CACHD1: variants seen among roughly 807,000 people sequenced by gnomAD.
CACHD1 encodes VWFA and cache domain-containing protein 1.
Under a neutral mutation model 138.7 loss-of-function variants are expected in CACHD1, and 71 were observed. The observed-to-expected ratio is 0.51, with a 90% CI of 0.42 to 0.62. CACHD1 has a LOEUF of 0.62. Ranked by LOEUF, CACHD1 falls within the 20% of genes least tolerant of loss-of-function variation. The pLI, the probability that CACHD1 is intolerant of heterozygous loss-of-function variation, is 0.00. For missense variants in CACHD1, 1,389 were observed against 1,625.3 expected (o/e 0.85, Z 2.50); for synonymous variants, 578 against 591.5 (o/e 0.98, Z 0.33).
intron 3 of CACHD1, among the ~76,000 whole-genome samples, chr1:64,592,615 T>C (rs1647115418): frequency 6.6e-6 from 1 of 151,494 alleles, no homozygotes; most frequent in South Asian, 2.1e-4. Flanking sequence ...GATGGGGAGG[T>C]GGAAGACCCA....
chr1:64,647,650 G>C, intron 8 of CACHD1, 151 bp from the exon 9 acceptor site: 1 of 624,124 alleles, frequency 1.6e-6, no homozygotes. Context: ...GCAGGAACTG[G>C]TATTTGTGTC....
intron 1 of CACHD1, among the ~76,000 whole-genome samples, chr1:64,477,351 C>T (rs1181650658): frequency 1.3e-5 from 2 of 152,150 alleles, no homozygotes; most frequent in Admixed American, 6.5e-5. Flanking sequence ...ATATGGTTCA[C>T]GGACCTTTGG....
chr1:64,593,987 T>C (rs1322746622), intron 3 of CACHD1, among the ~76,000 whole-genome samples: 2 of 152,040 alleles, frequency 1.3e-5, no homozygotes, highest in Non-Finnish European at 1.5e-5. Context: ...TTAGAAAGTT[T>C]ATGGCAGGGT....
chr1:64,669,677 A>G (rs1649752360), intron 16 of CACHD1, among the ~76,000 whole-genome samples: 1 of 146,216 alleles, frequency 6.8e-6, no homozygotes, highest in Admixed American at 6.7e-5. Context: ...ACTTAGAAAT[A>G]TAGGTTTGGT....
chr1:64,536,610 G>A (rs1303385361), intron 1 of CACHD1, among the ~76,000 whole-genome samples: 3 of 152,132 alleles, frequency 2.0e-5, no homozygotes, highest in South Asian at 2.1e-4. Context: ...AGAAGTATTC[G>A]GTCCTGCCTC....
chr1:64,501,065 G>A (rs1462147860), intron 1 of CACHD1, among the ~76,000 whole-genome samples: 1 of 150,732 alleles, frequency 6.6e-6, no homozygotes, highest in Non-Finnish European at 1.5e-5. Flanking sequence ...AAAAAAAGGA[G>A]AGACAGAGAG....
At chr1:64,584,096 G>A (rs1403865502) in intron 3 of CACHD1, among the ~76,000 whole-genome samples, 1 of 152,076 alleles carries the variant, frequency 6.6e-6, no homozygotes, top group African/African-American at 2.4e-5. Flanking sequence ...CCATTTTCAG[G>A]GCAGGAAGAA....
chr1:64,471,044 T>A (rs1646140998), intron 1 of CACHD1, 102 bp downstream of exon 1: 2 of 1,175,204 alleles, frequency 1.7e-6, no homozygotes, highest in Non-Finnish European at 2.3e-6. Flanking sequence ...CATCGGCTCC[T>A]TGCATACATA....
At chr1:64,542,696 C>T (rs998016329) in intron 1 of CACHD1, among the ~76,000 whole-genome samples, 4 of 152,164 alleles carry the variant, frequency 2.6e-5, no homozygotes, top group Admixed American at 6.5e-5. Flanking sequence ...CTAGGTGTTA[C>T]GTAAGTTTTC....
intron 1 of CACHD1, among the ~76,000 whole-genome samples, chr1:64,539,489 A>T (rs890752124): frequency 1.3e-5 from 2 of 152,184 alleles, no homozygotes; most frequent in African/African-American, 4.8e-5. Flanking sequence ...CTGTTACCAC[A>T]TGTGACTTTG....
chr1:64,561,989 G>A (rs1259087904), intron 2 of CACHD1, among the ~76,000 whole-genome samples: 1 of 151,950 alleles, frequency 6.6e-6, no homozygotes, highest in African/African-American at 2.4e-5. Flanking sequence ...GGACTCTGTA[G>A]TTTCTGATGA....
chr1:64,536,157 A>C (rs1303351380), intron 1 of CACHD1, among the ~76,000 whole-genome samples: 3 of 152,198 alleles, frequency 2.0e-5, no homozygotes, highest in African/African-American at 7.2e-5. Context: ...ATTTTTCATC[A>C]TTCCATAAAG....
Position 64,671,673 on chromosome 1 carries a change from G to A in CACHD1, c.2497G>A (p.Gly833Ser), listed in dbSNP as rs1478599468. Residue 833 changes from glycine (G) to serine (S), a missense_variant, in exon 17 of 27, where the codon GGC becomes AGC. This residue lies in a region of CACHD1 where 1,000 missense variants were observed against 1,114.7 expected (regional missense o/e 0.90). Coordinates refer to ENST00000651257, the MANE Select transcript of CACHD1 (RefSeq NM_020925.4). ...DLLPVCNQDG[G>S]NKIRCFIMED... ...ATTACCTGTCTGTAACCAAGATGGT[G>A]GCAACAAAATAAGGTAAGTGCTTTG... 1.9e-6 allele frequency: 3 copies of A among 1,613,998 alleles called. No homozygotes were observed.
intron 1 of CACHD1, among the ~76,000 whole-genome samples, chr1:64,542,044 GAAT>G (rs1267162130): frequency 1.3e-5 from 2 of 152,066 alleles, no homozygotes; most frequent in Non-Finnish European, 2.9e-5. Context: ...TAGTAAAATA[GAAT>G]AATAGTAGAT....
Position 64,676,879 on chromosome 1 carries a change from C to T in CACHD1, c.2976-16C>T. 6.2e-7 allele frequency: 1 copy of T among 1,606,228 alleles called. No homozygotes were observed. On this transcript the variant is annotated splice_polypyrimidine_tract_variant and intron_variant, in intron 21 of 26. Coordinates refer to ENST00000651257, the MANE Select transcript of CACHD1 (RefSeq NM_020925.4). ...GGCGGTGGTCGTCTTAACCTCCAGA[C>T]TTACCTCCTGCACAGAAACCCCAGC...
intron 3 of CACHD1, among the ~76,000 whole-genome samples, chr1:64,597,527 T>G (rs12750534): frequency 0.028 from 3,389 of 123,104 alleles, 87 homozygotes; most frequent in African/African-American, 0.055. Context: ...TTTTGTTGTT[T>G]TTTTTTTTTT....
At chr1:64,612,611 C>G (rs1647575230) in intron 4 of CACHD1, among the ~76,000 whole-genome samples, 1 of 152,090 alleles carries the variant, frequency 6.6e-6, no homozygotes, top group South Asian at 2.1e-4. Flanking sequence ...AATTCTCTCC[C>G]TCTTTTCAAA....
intron 1 of CACHD1, among the ~76,000 whole-genome samples, chr1:64,540,269 T>A (rs1386856658): frequency 1.3e-5 from 2 of 152,158 alleles, no homozygotes; most frequent in African/African-American, 2.4e-5. Context: ...ACCTCCTTTT[T>A]TTTTTCCTTT....
At chr1:64,634,684 G>A (rs1007669209) in intron 7 of CACHD1, among the ~76,000 whole-genome samples, 30 of 151,936 alleles carry the variant, frequency 2.0e-4, no homozygotes, top group Non-Finnish European at 2.9e-4. Context: ...CGCGACCAGC[G>A]TAGAGGGATT....
Sources: allele counts gnomAD v4.1 joint callset (sites outside exome capture counted in the v4.1 genomes callset), GRCh38; gene constraint gnomAD v4.1.1; regional missense constraint gnomAD v4.1.1; transcripts MANE v1.5; gene names NCBI Gene and HGNC (gene_info 2026-07-23, HGNC 2026-07-21).